The following FLACC1 variants were observed in gnomAD, a reference collection of about 807,000 sequenced individuals.
FLACC1 encodes flagellum-associated coiled-coil domain-containing protein 1.
A neutral mutation model predicts 62.8 loss-of-function variants in FLACC1; 66 were observed. That is an observed-to-expected ratio of 1.05 (90% CI 0.86 to 1.29). The LOEUF (loss-of-function observed/expected upper bound fraction) is 1.29. FLACC1 is among the 50% of genes most tolerant of loss of function. FLACC1 has a pLI of 0.00. For missense variants in FLACC1, 452 were observed against 489.1 expected (o/e 0.92, Z 0.71); for synonymous variants, 156 against 161.0 (o/e 0.97, Z 0.24).
At chr2:201,301,036 G>A (rs1411617440) in intron 11 of FLACC1, among the ~76,000 whole-genome samples, 3 of 152,220 alleles carry the variant, frequency 2.0e-5, no homozygotes, top group Non-Finnish European at 4.4e-5. Context: ...CCAAAGGAAT[G>A]CAGCTCCTCA....
At chr2:201,317,637 C>T (rs1228650985) in intron 9 of FLACC1, among the ~76,000 whole-genome samples, 1 of 152,060 alleles carries the variant, frequency 6.6e-6, no homozygotes, top group African/African-American at 2.4e-5. Context: ...AAGCAATCTA[C>T]AAATTTAATG....
intron 11 of FLACC1, among the ~76,000 whole-genome samples, chr2:201,304,765 C>G (rs749862009): frequency 4.6e-5 from 7 of 152,086 alleles, no homozygotes; most frequent in African/African-American, 7.2e-5. Flanking sequence ...ACAGAGCCCT[C>G]AAAAATAATA....
intron 9 of FLACC1, 71 bp downstream of exon 9, chr2:201,330,399 G>C (rs1191605249): frequency 4.2e-6 from 6 of 1,434,618 alleles, no homozygotes; most frequent in Non-Finnish European, 5.8e-6. Flanking sequence ...AAAAGCTCTA[G>C]ATTTATCCCA....
intron 11 of FLACC1, among the ~76,000 whole-genome samples, chr2:201,302,883 G>A (rs1327777971): frequency 6.6e-6 from 1 of 152,172 alleles, no homozygotes; most frequent in African/African-American, 2.4e-5. Context: ...CGAAACCAAT[G>A]AGAACAAAGA....
chr2:201,320,960 C>T (rs565824517), intron 9 of FLACC1, among the ~76,000 whole-genome samples: 9 of 152,328 alleles, frequency 5.9e-5, no homozygotes, highest in Non-Finnish European at 1.2e-4. Context: ...AGAATAACAA[C>T]GCACCTAGGA....
intron 11 of FLACC1, among the ~76,000 whole-genome samples, chr2:201,302,647 C>G (rs1343246996): frequency 6.6e-6 from 1 of 152,194 alleles, no homozygotes; most frequent in Non-Finnish European, 1.5e-5. Flanking sequence ...AGCACCACAT[C>G]ACACGTATTC....
chr2:201,343,041 C>T (rs6711422), intron 6 of FLACC1, among the ~76,000 whole-genome samples: 21 of 152,272 alleles, frequency 1.4e-4, no homozygotes, highest in African/African-American at 5.1e-4. Context: ...AGGGCTTGTC[C>T]TTGTACCTCT....
intron 9 of FLACC1, among the ~76,000 whole-genome samples, chr2:201,323,784 C>CAAAAAAAAAAAAAAAAAAAAA (rs71022362): frequency 1.3e-4 from 7 of 52,762 alleles, no homozygotes; most frequent in Admixed American, 3.7e-4. Flanking sequence ...CAGACTCTAT[C>CAAAAAAAAAAAAAAAAAAAAA]AAAAAAAAAA....
intron 12 of FLACC1, among the ~76,000 whole-genome samples, chr2:201,294,456 C>T (rs1430161922): frequency 1.3e-5 from 2 of 152,030 alleles, no homozygotes; most frequent in Non-Finnish European, 2.9e-5. Context: ...AAAAGGCCTT[C>T]AACAAAATTC....
chr2:201,341,430 C>T (rs1337840217), intron 7 of FLACC1, among the ~76,000 whole-genome samples: 3 of 149,048 alleles, frequency 2.0e-5, no homozygotes, highest in Non-Finnish European at 4.4e-5. Context: ...ATATATGCAT[C>T]TCTACTATAG....
intron 5 of FLACC1, 90 bp from the exon 6 acceptor site, chr2:201,344,353 G>T: frequency 9.2e-7 from 1 of 1,092,468 alleles, no homozygotes; most frequent in Middle Eastern, 2.0e-4. Context: ...GGCATGGTGA[G>T]AGCTGGCCTG....
rs553875788 is a variant in FLACC1 at position 201,303,519 on chromosome 2, C to T, written c.879+4000G>A. On this transcript the variant is annotated intron_variant, in intron 11 of 14. Coordinates refer to ENST00000392257, the MANE Select transcript of FLACC1 (RefSeq NM_001127391.3). ...CAGAGGTACAAGGAGGAGCTGGTAC[C>T]ATTCCTTTGAAACTATTGCAATCAA... Among the ~76,000 whole-genome samples, 20 of 152,272 alleles carry T rather than the reference C, an allele frequency of 1.3e-4. No homozygotes were observed. In the South Asian group the frequency reaches 4.1e-3, roughly 32 times the overall value.
intron 4 of FLACC1, among the ~76,000 whole-genome samples, chr2:201,347,289 C>G (rs747857583): frequency 6.6e-6 from 1 of 152,220 alleles, no homozygotes; most frequent in African/African-American, 2.4e-5. Flanking sequence ...CATGCTGCAG[C>G]CCCTTGATCC....
chr2:201,306,786 CA>C (rs201699240), intron 11 of FLACC1, among the ~76,000 whole-genome samples: 9 of 151,520 alleles, frequency 5.9e-5, no homozygotes, highest in South Asian at 4.2e-4. Context: ...GTATATCTGG[CA>C]AAAAAAACTT....
chr2:201,350,865 C>A, intron 2 of FLACC1, 83 bp from the exon 3 acceptor site: 1 of 1,162,622 alleles, frequency 8.6e-7, no homozygotes, highest in Non-Finnish European at 1.3e-6. Flanking sequence ...AAGTACATCC[C>A]TATAGTGACC....
chr2:201,292,988 T>G (rs1417092738), intron 12 of FLACC1, among the ~76,000 whole-genome samples: 3 of 152,206 alleles, frequency 2.0e-5, no homozygotes, highest in African/African-American at 7.2e-5. Context: ...TAAATATATA[T>G]GCACCCAATA....
chr2:201,295,109 T>A (rs1205768658), intron 12 of FLACC1, among the ~76,000 whole-genome samples: 2 of 152,174 alleles, frequency 1.3e-5, no homozygotes, highest in Non-Finnish European at 2.9e-5. Flanking sequence ...ATAGATTCAA[T>A]GCCATCCCCA....
intron 12 of FLACC1, among the ~76,000 whole-genome samples, chr2:201,292,284 G>A (rs1026592474): frequency 3.9e-5 from 6 of 152,158 alleles, no homozygotes; most frequent in African/African-American, 1.2e-4. Flanking sequence ...GAGAAAGCTC[G>A]GGTTACCCAC....
At chr2:201,340,520 CT>C (rs1278232044) in intron 7 of FLACC1, among the ~76,000 whole-genome samples, 1 of 152,160 alleles carries the variant, frequency 6.6e-6, no homozygotes, top group Admixed American at 6.5e-5. Flanking sequence ...TACTCCCTCC[CT>C]AACATTTTGT....
Sources: allele counts gnomAD v4.1 joint callset (sites outside exome capture counted in the v4.1 genomes callset), GRCh38; gene constraint gnomAD v4.1.1; transcripts MANE v1.5; gene names NCBI Gene and HGNC (gene_info 2026-07-23, HGNC 2026-07-21).